Variants in CHKA observed in about 807,000 individuals in gnomAD.
CHKA encodes CHETK-alpha.
A neutral mutation model predicts 60.1 loss-of-function variants in CHKA; 34 were observed. The ratio of observed to expected loss-of-function variants is 0.57; its 90% CI spans 0.43 to 0.75. The LOEUF (loss-of-function observed/expected upper bound fraction) is 0.75, where lower values mean the gene tolerates loss of function less well. CHKA is among the 30% of genes least tolerant of loss of function. The pLI, the probability that CHKA is intolerant of heterozygous loss-of-function variation, is 0.00. For synonymous variants in CHKA, 217 were observed against 223.1 expected, an observed-to-expected ratio of 0.97 and a Z score of 0.24; for missense variants, 563 against 561.3, an observed-to-expected ratio of 1.00 and a Z score of -0.03.
Position 68,121,121 on chromosome 11 carries a change from C to T in CHKA, c.57G>A (p.Leu19=), listed in dbSNP as rs1858631005. The T allele has an allele frequency of 2.5e-6, 3 of 1,201,682 alleles. No homozygotes were observed. Among genetic ancestry groups the T allele is most frequent in the South Asian group, 2.3e-5 (1 of 42,730 alleles). The allele number at this position is 1,201,682 out of a possible 1,614,324, so 74.4% of individuals were successfully genotyped here. A position where few individuals can be genotyped will look rare whatever the true frequency, so the allele number is the denominator to read the frequency against. ...CCGCGCTGCCGCTACCGCAGCTCAG[C>T]AGCAGCCCGAGCGGCGAGGGCTCCG... The part of the protein sequence containing the change: ...GEAEPSPLGL[L]LSCGSGSAAP... The change falls in exon 1 of 12, where the codon CTG becomes CTA. Residue 19 remains leucine (L), a synonymous_variant. Transcript: ENST00000265689.
intron 3 of CHKA, 43 bp downstream of exon 3, chr11:68,081,361 T>C: frequency 6.5e-7 from 1 of 1,546,846 alleles, no homozygotes; most frequent in Non-Finnish European, 8.9e-7. Context: ...TGGCTAACAC[T>C]AGTTCACATC....
In CHKA at chr11:68,095,767, C is replaced by T. The variant is rs1290362720; in HGVS notation, c.462+1252G>A. 1.2e-4 allele frequency among the ~76,000 whole-genome samples: 17 copies of T among 144,988 alleles called. 1 individual carries two copies. Among genetic ancestry groups the T allele is most frequent in the African/African-American group, 4.1e-4 (16 of 39,026 alleles). On this transcript the variant is annotated intron_variant, in intron 2 of 11. Coordinates refer to ENST00000265689, the MANE Select transcript of CHKA (RefSeq NM_001277.3). ...TATCAAAATCCTACCACAGGCCAGG[C>T]GTGGTGGCTCACACCTGTAATCCCA... is the stretch of plus-strand genomic sequence containing the variant.
chr11:68,111,796 G>C (rs1011879834), intron 1 of CHKA, among the ~76,000 whole-genome samples: 2 of 151,960 alleles, frequency 1.3e-5, no homozygotes, highest in Non-Finnish European at 2.9e-5. Context: ...GCTCACACCT[G>C]TAATCCCAGC....
chr11:68,083,889 C>G (rs1020473926), intron 2 of CHKA, among the ~76,000 whole-genome samples: 1 of 152,086 alleles, frequency 6.6e-6, no homozygotes. Flanking sequence ...AAATCTCAAA[C>G]CAAGTGTATA....
chr11:68,067,230 T>C (rs1339254658), intron 7 of CHKA, among the ~76,000 whole-genome samples: 1 of 152,158 alleles, frequency 6.6e-6, no homozygotes, highest in Admixed American at 6.5e-5. Flanking sequence ...CAGCTCTCTC[T>C]CCTTAGGATT....
chr11:68,113,081 C>CAAAAAAAAA (rs71040587), intron 1 of CHKA, among the ~76,000 whole-genome samples: 289 of 14,488 alleles, frequency 0.02, 10 homozygotes, highest in Non-Finnish European at 0.026. Context: ...GACTCCGTCT[C>CAAAAAAAAA]AAAAAAAAAA....
intron 2 of CHKA, 156 bp from the exon 3 acceptor site, chr11:68,081,613 C>T: frequency 1.7e-6 from 1 of 591,158 alleles, no homozygotes; most frequent in Non-Finnish European, 3.1e-6. Flanking sequence ...ATCTAATGCA[C>T]CAGCAGCCTC....
At chr11:68,106,277 T>C (rs1017025175) in intron 1 of CHKA, among the ~76,000 whole-genome samples, 4 of 152,152 alleles carry the variant, frequency 2.6e-5, no homozygotes, top group African/African-American at 9.7e-5. Context: ...CCAAGCACAG[T>C]GGCTAACACC....
intron 2 of CHKA, among the ~76,000 whole-genome samples, chr11:68,095,709 A>C (rs1219615655): frequency 1.7e-5 from 1 of 57,250 alleles, no homozygotes; most frequent in Non-Finnish European, 3.5e-5. Flanking sequence ...ACTCCGTCGC[A>C]AAAAAAAAAA....
intron 1 of CHKA, among the ~76,000 whole-genome samples, chr11:68,108,613 G>A (rs1038478444): frequency 8.6e-5 from 13 of 152,030 alleles, no homozygotes; most frequent in African/African-American, 3.1e-4. Context: ...GCGTGGTGGC[G>A]GGCGCCTGTA....
intron 1 of CHKA, among the ~76,000 whole-genome samples, chr11:68,108,699 A>C (rs1181359186): frequency 1.3e-5 from 2 of 152,078 alleles, no homozygotes; most frequent in African/African-American, 2.4e-5. Flanking sequence ...AGCCAAGATC[A>C]TGCCACTGCA....
At chr11:68,084,804 T>C (rs938344593) in intron 2 of CHKA, among the ~76,000 whole-genome samples, 1 of 152,074 alleles carries the variant, frequency 6.6e-6, no homozygotes, top group African/African-American at 2.4e-5. Context: ...AGGGAAAAGA[T>C]GGAAGAAGAC....
intron 10 of CHKA, among the ~76,000 whole-genome samples, 162 bp from the exon 11 acceptor site, chr11:68,062,196 A>G (rs1004477934): frequency 6.6e-6 from 1 of 152,206 alleles, no homozygotes; most frequent in African/African-American, 2.4e-5. Context: ...ACTAAGAACA[A>G]TGGGAATACC....
At chr11:68,063,913 G>A (rs1565173474) in intron 10 of CHKA, among the ~76,000 whole-genome samples, 1 of 152,198 alleles carries the variant, frequency 6.6e-6, no homozygotes, top group Non-Finnish European at 1.5e-5. Flanking sequence ...CCCTGGCCAT[G>A]CAGAACTGTG....
At chr11:68,096,058 T>C (rs866061220) in intron 2 of CHKA, among the ~76,000 whole-genome samples, 11 of 138,938 alleles carry the variant, frequency 7.9e-5, no homozygotes, top group Non-Finnish European at 1.5e-4. Flanking sequence ...AAAAAAAAAT[T>C]CTACCACAGA....
At chr11:68,086,080 C>G (rs895981306) in intron 2 of CHKA, among the ~76,000 whole-genome samples, 1 of 152,098 alleles carries the variant, frequency 6.6e-6, no homozygotes, top group Non-Finnish European at 1.5e-5. Context: ...TTTGGGAGGC[C>G]GAGGCAGGCG....
chr11:68,097,076 G>C lies in CHKA; in HGVS notation c.405C>G (p.Thr135=). The change falls in exon 2 of 12, where the codon ACC becomes ACG. Residue 135 remains threonine, a synonymous_variant. Transcript: ENST00000265689. ...GCACTTTCCGAGGCTCATCACCAAG[G>C]GTGGCTGTGGTGTCAGGTAGGGAGC... The part of the protein sequence containing the change: ...FQCSLPDTTA[T]LGDEPRKVLL... 6.2e-7 allele frequency: 1 copy of C among 1,613,646 alleles called. No individual in the cohort carries two copies. The highest frequency in any genetic ancestry group is 8.5e-7 in the Non-Finnish European group (1 of 1,179,814).
chr11:68,110,104 G>A (rs1046975532), intron 1 of CHKA, among the ~76,000 whole-genome samples: 6 of 152,080 alleles, frequency 3.9e-5, no homozygotes, highest in African/African-American at 1.2e-4. Flanking sequence ...CTCAGAAAAT[G>A]AGGAATAGAG....
intron 1 of CHKA, among the ~76,000 whole-genome samples, chr11:68,101,973 G>A (rs1271714835): frequency 2.6e-5 from 4 of 151,768 alleles, no homozygotes; most frequent in Non-Finnish European, 5.9e-5. Context: ...GGTGGTGGGC[G>A]CCTGTAATCC....
Sources: allele counts gnomAD v4.1 joint callset (sites outside exome capture counted in the v4.1 genomes callset), GRCh38; gene constraint gnomAD v4.1.1; transcripts MANE v1.5; gene names NCBI Gene and HGNC (gene_info 2026-07-23, HGNC 2026-07-21).